The following NRXN3 variants were observed in gnomAD, a reference collection of about 807,000 sequenced individuals.
NRXN3 encodes neurexin 3.
NRXN3 carries 32 observed loss-of-function variants against 137.6 expected under a neutral mutation model. That is an observed-to-expected ratio of 0.23 (90% CI 0.18 to 0.31). NRXN3 has a LOEUF of 0.31. Among genes scored for constraint, NRXN3 ranks in the 10% least tolerant of loss-of-function variants. The pLI is 1.00. For missense variants in NRXN3, 1,574 were observed against 2,062.5 expected (o/e 0.76, Z 4.59); for synonymous variants, 798 against 784.5 (o/e 1.02, Z -0.29).
intron 15 of NRXN3, among the ~76,000 whole-genome samples, chr14:79,323,052 T>C (rs1264962085): frequency 6.6e-6 from 1 of 152,206 alleles, no homozygotes; most frequent in African/African-American, 2.4e-5. Context: ...TTTTTTAAAT[T>C]GACACGGGGT....
At chr14:79,339,519 A>G (rs1200464911) in intron 15 of NRXN3, among the ~76,000 whole-genome samples, 1 of 152,240 alleles carries the variant, frequency 6.6e-6, no homozygotes, top group Non-Finnish European at 1.5e-5. Context: ...TTCGTGTCTT[A>G]CTATTCAAAG....
chr14:79,718,597 G>T (rs1369106901), intron 19 of NRXN3, among the ~76,000 whole-genome samples: 1 of 152,144 alleles, frequency 6.6e-6, no homozygotes, highest in Non-Finnish European at 1.5e-5. Flanking sequence ...GTTTGAACTA[G>T]TATAGCAGCC....
intron 19 of NRXN3, among the ~76,000 whole-genome samples, chr14:79,802,698 T>C (rs758880542): frequency 3.2e-4 from 48 of 152,298 alleles, no homozygotes; most frequent in Middle Eastern, 3.4e-3. Context: ...ACCAGCTCCT[T>C]TCCCTAAGTA....
At chr14:78,247,231 C>T (rs1186515248) in intron 2 of NRXN3, among the ~76,000 whole-genome samples, 1 of 152,128 alleles carries the variant, frequency 6.6e-6, no homozygotes, top group African/African-American at 2.4e-5. Context: ...AATGTGCAGG[C>T]CCATCTCTTT....
chr14:78,322,808 A>G (rs1200257167), intron 4 of NRXN3, among the ~76,000 whole-genome samples: 1 of 151,912 alleles, frequency 6.6e-6, no homozygotes, highest in Non-Finnish European at 1.5e-5. Context: ...ATTTGTAGCC[A>G]TATCTTGAAG....
At chr14:78,535,903 T>C (rs540116746) in intron 4 of NRXN3, among the ~76,000 whole-genome samples, 1 of 152,266 alleles carries the variant, frequency 6.6e-6, no homozygotes, top group South Asian at 2.1e-4. Flanking sequence ...GGGATGCCAT[T>C]GATGTTGGGT....
chr14:78,663,029 A>G (rs933199789), intron 6 of NRXN3, among the ~76,000 whole-genome samples: 25 of 152,308 alleles, frequency 1.6e-4, no homozygotes, highest in African/African-American at 4.8e-4. Flanking sequence ...TTATTTCCTA[A>G]TTTAGTTCTC....
intron 2 of NRXN3, among the ~76,000 whole-genome samples, chr14:78,246,404 A>G (rs2067685295): frequency 6.6e-6 from 1 of 152,140 alleles, no homozygotes; most frequent in African/African-American, 2.4e-5. Context: ...GGTTCAGATC[A>G]TCTCCTGGCT....
chr14:78,742,136 T>C (rs1482403335), intron 8 of NRXN3, among the ~76,000 whole-genome samples: 3 of 152,212 alleles, frequency 2.0e-5, no homozygotes, highest in Non-Finnish European at 4.4e-5. Flanking sequence ...CCACGGAAAC[T>C]AATGGTATTT....
intron 8 of NRXN3, chr14:78,753,673 C>T (rs1251705646): frequency 1.3e-5 from 2 of 152,094 alleles, no homozygotes; most frequent in Admixed American, 6.5e-5. Flanking sequence ...GGAATTACCT[C>T]CAGCATTTTA....
chr14:79,730,705 G>A (rs540380585), intron 19 of NRXN3, among the ~76,000 whole-genome samples: 73 of 152,214 alleles, frequency 4.8e-4, no homozygotes, highest in African/African-American at 1.6e-3. Flanking sequence ...CTGTGCTCCC[G>A]AACGAGTTAT....
intron 4 of NRXN3, among the ~76,000 whole-genome samples, chr14:78,457,582 G>C (rs2094784122): frequency 6.6e-6 from 1 of 152,148 alleles, no homozygotes; most frequent in African/African-American, 2.4e-5. Flanking sequence ...TTCTTCAATG[G>C]AAAGAACATT....
At chr14:79,139,291 A>G (rs2058560739) in intron 15 of NRXN3, among the ~76,000 whole-genome samples, 1 of 152,154 alleles carries the variant, frequency 6.6e-6, no homozygotes, top group African/African-American at 2.4e-5. Flanking sequence ...ATGCAGTACT[A>G]TCTTGTCACA....
At chr14:78,304,809 C>A (rs2077200445) in intron 4 of NRXN3, among the ~76,000 whole-genome samples, 1 of 152,130 alleles carries the variant, frequency 6.6e-6, no homozygotes, top group Admixed American at 6.5e-5. Context: ...CAAGTCCCAT[C>A]AAAGGCAGTA....
intron 15 of NRXN3, among the ~76,000 whole-genome samples, chr14:79,231,497 C>CTTCCTGTTT (rs2072193321): frequency 1.3e-5 from 2 of 152,146 alleles, no homozygotes; most frequent in Non-Finnish European, 2.9e-5. Context: ...GTAAAAGTGT[C>CTTCCTGTTT]TTCCTGTTTC....
intron 15 of NRXN3, among the ~76,000 whole-genome samples, chr14:79,291,586 ATAGGTAATATAAGGCACAAT>A (rs2083211595): frequency 6.7e-6 from 1 of 148,716 alleles, no homozygotes. Context: ...CTAAGGTCTT[ATAGGTAATATAAGGCACAAT>A]CAGGTTGGGT....
chr14:78,273,252 G>A (rs950262578), intron 2 of NRXN3, among the ~76,000 whole-genome samples: 2 of 152,200 alleles, frequency 1.3e-5, no homozygotes, highest in African/African-American at 4.8e-5. Flanking sequence ...CAGGCTGTGT[G>A]ACTTTTGGCC....
intron 4 of NRXN3, among the ~76,000 whole-genome samples, chr14:78,628,734 G>T (rs1416133533): frequency 5.9e-5 from 9 of 152,198 alleles, no homozygotes; most frequent in Admixed American, 5.9e-4. Flanking sequence ...GAGCCAAAGG[G>T]TTTTAACTAG....
At chr14:79,016,002 C>T (rs890295718) in intron 15 of NRXN3, among the ~76,000 whole-genome samples, 2 of 152,076 alleles carry the variant, frequency 1.3e-5, no homozygotes, top group African/African-American at 4.8e-5. Flanking sequence ...ACTGAAAGGG[C>T]CGTTTTTCTT....
Sources: gnomAD v4.1 joint callset for allele counts (sites outside exome capture counted in the v4.1 genomes callset) on GRCh38, gnomAD v4.1.1 for gene constraint, MANE v1.5 for transcripts, NCBI Gene and HGNC (gene_info 2026-07-23, HGNC 2026-07-21) for gene names.